The following NEDD4L variants were observed in gnomAD, a reference collection of about 807,000 sequenced individuals.
The protein encoded by NEDD4L is NEDD4 like E3 ubiquitin protein ligase.
In NEDD4L, 54 loss-of-function variants were observed where a neutral mutation model predicts 148.9. The ratio of observed to expected loss-of-function variants is 0.36; its 90% CI spans 0.29 to 0.45. NEDD4L has a LOEUF of 0.45. NEDD4L is among the 20% of genes least tolerant of loss of function. NEDD4L has a pLI of 1.00. For synonymous variants in NEDD4L, 433 were observed against 440.7 expected (o/e 0.98, Z 0.22); for missense variants, 856 against 1,233.8 (o/e 0.69, Z 4.59).
At chr18:58,388,952 T>A in intron 27 of NEDD4L, 133 bp from the exon 28 acceptor site, 1 of 712,760 alleles carries the variant, frequency 1.4e-6, no homozygotes, top group Non-Finnish European at 2.5e-6. Flanking sequence ...TCTGCCTTCC[T>A]CTGTTGTTAT....
intron 1 of NEDD4L, among the ~76,000 whole-genome samples, chr18:58,135,940 T>A (rs528652878): frequency 6.6e-6 from 1 of 152,234 alleles, no homozygotes; most frequent in South Asian, 2.1e-4. Flanking sequence ...ATACCCCTTG[T>A]GTGGTTGGCC....
chr18:58,358,292 T>G (rs1483979447), intron 19 of NEDD4L, among the ~76,000 whole-genome samples: 9 of 152,204 alleles, frequency 5.9e-5, no homozygotes, highest in Non-Finnish European at 1.0e-4. Context: ...CTAGGCAAAG[T>G]GCCCAGTAGT....
intron 16 of NEDD4L, among the ~76,000 whole-genome samples, chr18:58,345,252 C>G (rs2042906218): frequency 6.6e-6 from 1 of 152,194 alleles, no homozygotes; most frequent in African/African-American, 2.4e-5. Context: ...GACACAGCTG[C>G]GCTATCGCTT....
At chr18:58,240,898 C>G (rs977841999) in intron 2 of NEDD4L, among the ~76,000 whole-genome samples, 1 of 152,168 alleles carries the variant, frequency 6.6e-6, no homozygotes, top group Non-Finnish European at 1.5e-5. Flanking sequence ...CAACCTCCCC[C>G]TCCTGGATTC....
intron 5 of NEDD4L, among the ~76,000 whole-genome samples, chr18:58,291,779 C>A (rs1258427416): frequency 6.6e-6 from 1 of 151,930 alleles, no homozygotes; most frequent in Non-Finnish European, 1.5e-5. Flanking sequence ...ACTGAGATTT[C>A]CCCCCACCCC....
At chr18:58,338,997 C>A (rs918842466) in intron 13 of NEDD4L, among the ~76,000 whole-genome samples, 1 of 152,172 alleles carries the variant, frequency 6.6e-6, no homozygotes, top group African/African-American at 2.4e-5. Flanking sequence ...ATGACACATC[C>A]ATGTGCTTTC....
chr18:58,244,028 T>A (rs936438903), intron 2 of NEDD4L, among the ~76,000 whole-genome samples: 7 of 152,238 alleles, frequency 4.6e-5, no homozygotes, highest in South Asian at 4.1e-4. Context: ...TATAGCCTTG[T>A]TACTACCAAA....
chr18:58,353,334 G>A (rs2044164752), intron 18 of NEDD4L, among the ~76,000 whole-genome samples: 1 of 152,168 alleles, frequency 6.6e-6, no homozygotes, highest in African/African-American at 2.4e-5. Flanking sequence ...TACAGAGCTT[G>A]ATGCAACTAA....
chr18:58,205,911 A>T (rs927766196), intron 2 of NEDD4L, among the ~76,000 whole-genome samples: 1 of 152,182 alleles, frequency 6.6e-6, no homozygotes, highest in Non-Finnish European at 1.5e-5. Flanking sequence ...TTCTGGCCTC[A>T]GAATCCTAGT....
intron 1 of NEDD4L, among the ~76,000 whole-genome samples, chr18:58,144,595 C>T (rs1469248771): frequency 1.3e-5 from 2 of 151,922 alleles, no homozygotes; most frequent in Non-Finnish European, 2.9e-5. Context: ...GAGAGTAGGA[C>T]ATTTTGTCTA....
At chr18:58,112,529 C>G (rs2085486853) in intron 1 of NEDD4L, among the ~76,000 whole-genome samples, 1 of 152,026 alleles carries the variant, frequency 6.6e-6, no homozygotes. Flanking sequence ...CACTCTGATG[C>G]CTAGGCTGGA....
At chr18:58,126,331 T>C (rs2031088039) in intron 1 of NEDD4L, among the ~76,000 whole-genome samples, 1 of 152,158 alleles carries the variant, frequency 6.6e-6, no homozygotes, top group South Asian at 2.1e-4. Context: ...GAACCCTATC[T>C]TTCTGTCTCT....
intron 1 of NEDD4L, among the ~76,000 whole-genome samples, chr18:58,151,592 G>A (rs1002376071): frequency 6.7e-6 from 1 of 148,548 alleles, no homozygotes; most frequent in Non-Finnish European, 1.5e-5. Context: ...AATTAAAGGG[G>A]TGATTGTGAA....
chr18:58,270,904 T>C (rs1253975209), intron 5 of NEDD4L, among the ~76,000 whole-genome samples: 4 of 152,074 alleles, frequency 2.6e-5, no homozygotes, highest in Non-Finnish European at 4.4e-5. Flanking sequence ...TTTTTAATAA[T>C]GTATATGATC....
chr18:58,093,629 A>G (rs2084205826), intron 1 of NEDD4L, among the ~76,000 whole-genome samples: 1 of 152,204 alleles, frequency 6.6e-6, no homozygotes, highest in Admixed American at 6.5e-5. Flanking sequence ...TCTCACGGAA[A>G]GAAGTGCGAT....
In NEDD4L at chr18:58,160,976, T is replaced by G. The variant is rs2036128238; in HGVS notation, c.49-4812T>G. Among the ~76,000 whole-genome samples the G allele has an allele frequency of 2.0e-5, 3 of 152,270 alleles. No individual in the cohort carries two copies. In the South Asian group the frequency reaches 6.2e-4, roughly 32 times the overall value. The stretch of plus-strand genomic sequence containing the variant: ...CCGTATTTGCAGCTCTGTACCTTTG[T>G]GAGTCACCTAAAAAATAACTCATAG... On this transcript the variant is annotated intron_variant, in intron 1 of 30. Coordinates refer to ENST00000400345, the MANE Select transcript of NEDD4L (RefSeq NM_001144967.3).
At chr18:58,108,363 A>G (rs946434592) in intron 1 of NEDD4L, among the ~76,000 whole-genome samples, 6 of 152,192 alleles carry the variant, frequency 3.9e-5, no homozygotes, top group African/African-American at 1.4e-4. Flanking sequence ...TCATGAAAAT[A>G]TTTTGAAATT....
At chr18:58,264,292 G>T (rs1428781517) in intron 5 of NEDD4L, among the ~76,000 whole-genome samples, 1 of 152,044 alleles carries the variant, frequency 6.6e-6, no homozygotes, top group Admixed American at 6.5e-5. Context: ...CCTCCGGCCT[G>T]CTTGCACCCT....
intron 1 of NEDD4L, among the ~76,000 whole-genome samples, chr18:58,113,484 A>G (rs931077698): frequency 6.6e-6 from 1 of 152,202 alleles, no homozygotes; most frequent in African/African-American, 2.4e-5. Flanking sequence ...TTTTTGAAGC[A>G]GGAAAAATCT....
Sources: allele counts gnomAD v4.1 joint callset (sites outside exome capture counted in the v4.1 genomes callset), GRCh38; gene constraint gnomAD v4.1.1; transcripts MANE v1.5; gene names NCBI Gene and HGNC (gene_info 2026-07-23, HGNC 2026-07-21).